The following KIAA1671 variants were observed in gnomAD, a reference collection of about 807,000 sequenced individuals.
The protein encoded by KIAA1671 is KIAA1671.
A neutral mutation model predicts 131.2 loss-of-function variants in KIAA1671; 52 were observed. The observed-to-expected ratio is 0.40, with a 90% confidence interval of 0.32 to 0.50. The LOEUF (loss-of-function observed/expected upper bound fraction) is 0.50, where lower values mean the gene tolerates loss of function less well. Among genes scored for constraint, KIAA1671 ranks in the 20% least tolerant of loss-of-function variants. The pLI, the probability that KIAA1671 is intolerant of heterozygous loss-of-function variation, is 0.73. For missense variants in KIAA1671, 2,360 were observed against 2,364.2 expected, an observed-to-expected ratio of 1.00 and a Z score of 0.04; for synonymous variants, 1,003 against 961.6, an observed-to-expected ratio of 1.04 and a Z score of -0.80.
intron 6 of KIAA1671, among the ~76,000 whole-genome samples, chr22:25,095,543 C>T (rs190250595): frequency 7.9e-5 from 12 of 152,134 alleles, no homozygotes; most frequent in Admixed American, 2.0e-4. Context: ...GCCAGCTACT[C>T]GGGAGGCTGA....
chr22:25,177,917 G>A (rs868306318), intron 9 of KIAA1671, among the ~76,000 whole-genome samples: 6 of 152,044 alleles, frequency 3.9e-5, no homozygotes, highest in African/African-American at 1.4e-4. Context: ...GGGGCAGTGG[G>A]TCCGTGCTGA....
At chr22:25,118,526 A>G (rs1037690302) in intron 6 of KIAA1671, among the ~76,000 whole-genome samples, 6 of 152,132 alleles carry the variant, frequency 3.9e-5, no homozygotes, top group Non-Finnish European at 8.8e-5. Context: ...TCTGGGCTCA[A>G]GGGATCCACC....
chr22:25,044,844 A>G (rs2145813300), intron 5 of KIAA1671, among the ~76,000 whole-genome samples: 1 of 152,286 alleles, frequency 6.6e-6, no homozygotes, highest in South Asian at 2.1e-4. Flanking sequence ...TCATATTGCA[A>G]CAGTAGCGAA....
intron 4 of KIAA1671, among the ~76,000 whole-genome samples, chr22:25,034,811 C>T (rs1185517596): frequency 1.3e-5 from 2 of 152,022 alleles, no homozygotes; most frequent in African/African-American, 2.4e-5. Flanking sequence ...GATCTCGGCT[C>T]ACTGCAAGCT....
Position 25,028,603 on chromosome 22 carries a change from G to T in KIAA1671, c.604G>T (p.Asp202Tyr). The T allele has an allele frequency of 6.4e-7, 1 of 1,550,942 alleles. No homozygotes were observed. Among genetic ancestry groups the T allele is most frequent in the Non-Finnish European group, 8.7e-7 (1 of 1,146,870 alleles). ...TCCCCGGTCAGCTCCCCTGTCTCAG[G>T]ACACAAAACCACCTGTACCCCAAGA... Reference protein sequence around the residue: ...TLPRSAPLSQDTKPPVPQEEA... With the variant: ...TLPRSAPLSQYTKPPVPQEEA... Residue 202 changes from aspartate to tyrosine, a missense_variant, in exon 3 of 13, where the codon GAC (aspartate) becomes TAC (tyrosine). Physicochemically the swap from Asp to Tyr is radical, Grantham distance 160 (BLOSUM62 -3). This residue lies in a region of KIAA1671 where 1,185 missense variants were observed against 1,126.2 expected (regional missense o/e 1.05). Coordinates refer to ENST00000358431, the MANE Select transcript of KIAA1671 (RefSeq NM_001145206.2).
In KIAA1671 at chr22:25,196,396, G is replaced by A. The variant is rs899632351; in HGVS notation, c.*3995G>A. The stretch of plus-strand genomic sequence containing the variant: ...TTGACAATTCCTATTGGCATCACAC[G>A]GGCTACAAATTATGCTGTTTTCTAA... On this transcript the variant is annotated 3_prime_UTR_variant, in exon 13 of 13. Transcript: ENST00000358431. 6.6e-6 allele frequency: 1 copy of A among 151,908 alleles called. No homozygotes were observed. Among genetic ancestry groups the A allele is most frequent in the African/African-American group, 2.4e-5 (1 of 41,326 alleles). 9.4% of individuals were successfully genotyped at this position (151,908 alleles called of 1,614,324 possible).
intron 6 of KIAA1671, among the ~76,000 whole-genome samples, chr22:25,066,662 A>G (rs1928490201): frequency 6.6e-6 from 1 of 152,154 alleles, no homozygotes; most frequent in Non-Finnish European, 1.5e-5. Flanking sequence ...TGCAAAGACC[A>G]TTTCCAAATA....
intron 1 of KIAA1671, among the ~76,000 whole-genome samples, chr22:24,973,918 C>G (rs1323141171): frequency 6.6e-6 from 1 of 152,154 alleles, no homozygotes; most frequent in Non-Finnish European, 1.5e-5. Flanking sequence ...ATAGTGATGA[C>G]TGTATATTAA....
At chr22:25,146,635 C>T (rs138428073) in intron 6 of KIAA1671, among the ~76,000 whole-genome samples, 5 of 152,298 alleles carry the variant, frequency 3.3e-5, no homozygotes, top group African/African-American at 1.2e-4. Flanking sequence ...AGGTGACTTC[C>T]CTTTGAACTT....
At chr22:25,157,605 C>T (rs188914247) in intron 6 of KIAA1671, among the ~76,000 whole-genome samples, 45 of 152,208 alleles carry the variant, frequency 3.0e-4, no homozygotes, top group Middle Eastern at 3.4e-3. Context: ...AACAGAAATT[C>T]TGAGTTAAAA....
intron 6 of KIAA1671, among the ~76,000 whole-genome samples, chr22:25,100,924 C>A (rs541375103): frequency 6.6e-6 from 1 of 152,236 alleles, no homozygotes; most frequent in African/African-American, 2.4e-5. Flanking sequence ...CTCATGGAGA[C>A]CTTTATAATC....
intron 6 of KIAA1671, among the ~76,000 whole-genome samples, chr22:25,137,109 G>A (rs1932712140): frequency 1.3e-5 from 2 of 152,166 alleles, no homozygotes; most frequent in Admixed American, 1.3e-4. Context: ...ACTGGGAGTC[G>A]CTGCCTGGGG....
chr22:25,151,301 A>G (rs1933029906), intron 6 of KIAA1671, among the ~76,000 whole-genome samples: 1 of 149,362 alleles, frequency 6.7e-6, no homozygotes, highest in Non-Finnish European at 1.5e-5. Flanking sequence ...TATGCAACAT[A>G]TATACATATA....
At chr22:25,176,878 G>C (rs1458821015) in intron 8 of KIAA1671, 1 of 152,834 alleles carries the variant, frequency 6.5e-6, no homozygotes, top group Non-Finnish European at 1.5e-5. Flanking sequence ...GTGAGTAATG[G>C]AGGAATTCCA....
chr22:25,093,737 A>ACACACACTCTCTCTCT (rs1568950992), intron 6 of KIAA1671, among the ~76,000 whole-genome samples: 1 of 30,136 alleles, frequency 3.3e-5, no homozygotes. Flanking sequence ...ACACACACAC[A>ACACACACTCTCTCTCT]CTCTCTCTCT....
At chr22:25,042,779 C>A (rs1477277702) in intron 5 of KIAA1671, among the ~76,000 whole-genome samples, 2 of 151,898 alleles carry the variant, frequency 1.3e-5, no homozygotes, top group African/African-American at 4.8e-5. Context: ...GGCCTGTAAG[C>A]ACTTTTTAAG....
At chr22:25,077,383 T>A (rs1258116560) in intron 6 of KIAA1671, among the ~76,000 whole-genome samples, 1 of 152,064 alleles carries the variant, frequency 6.6e-6, no homozygotes, top group Non-Finnish European at 1.5e-5. Flanking sequence ...GAGTGGGCAT[T>A]TAATATGGAG....
chr22:24,971,379 T>C (rs1337511738), intron 1 of KIAA1671, among the ~76,000 whole-genome samples: 1 of 152,208 alleles, frequency 6.6e-6, no homozygotes, highest in Non-Finnish European at 1.5e-5. Flanking sequence ...ATGTGAGACA[T>C]AGCTCCCTTG....
At chr22:25,181,895 C>CG in intron 10 of KIAA1671, 72 bp downstream of exon 10, 2 of 1,500,534 alleles carry the variant, frequency 1.3e-6, no homozygotes, top group South Asian at 2.5e-5. Flanking sequence ...GAATAGATTC[C>CG]GGCTGGGTGC....
Sources: allele counts gnomAD v4.1 joint callset (sites outside exome capture counted in the v4.1 genomes callset), GRCh38; gene constraint gnomAD v4.1.1; regional missense constraint gnomAD v4.1.1; transcripts MANE v1.5; gene names NCBI Gene and HGNC (gene_info 2026-07-23, HGNC 2026-07-21).